The following LIPJ variants were observed in gnomAD, a reference collection of about 807,000 sequenced individuals.
The protein encoded by LIPJ is lipase family member J, also known as lipase member J.
In LIPJ, 33 loss-of-function variants were observed where a neutral mutation model predicts 39.8. That is an observed-to-expected ratio of 0.83 (90% CI 0.63 to 1.11). The LOEUF (loss-of-function observed/expected upper bound fraction) is 1.11. Ranked by LOEUF, LIPJ falls within the 50% of genes least tolerant of loss-of-function variation. The probability of loss-of-function intolerance (pLI) is 0.00; values close to 1 mark genes in which losing one functional copy is unlikely to be tolerated. For synonymous variants in LIPJ, 128 were observed against 139.2 expected, an observed-to-expected ratio of 0.92 and a Z score of 0.57; for missense variants, 422 against 427.9, an observed-to-expected ratio of 0.99 and a Z score of 0.12.
At chr10:88,599,876 T>C (rs1431383879) in intron 8 of LIPJ, among the ~76,000 whole-genome samples, 1 of 151,734 alleles carries the variant, frequency 6.6e-6, no homozygotes, top group African/African-American at 2.4e-5. Context: ...TTACAGTATT[T>C]AGTAAATTTA....
intron 3 of LIPJ, 121 bp downstream of exon 3, chr10:88,590,817 C>T (rs1590074861): frequency 1.5e-6 from 1 of 682,290 alleles, no homozygotes; most frequent in East Asian, 2.7e-5. Context: ...TAATATTTCT[C>T]ATCTGCTATT....
chr10:88,606,152 T>C (rs1447827908), intron 10 of LIPJ, among the ~76,000 whole-genome samples: 2 of 152,152 alleles, frequency 1.3e-5, no homozygotes, highest in Non-Finnish European at 2.9e-5. Flanking sequence ...GACAAAATTA[T>C]TGAAGTACTA....
intron 9 of LIPJ, 145 bp from the exon 10 acceptor site, chr10:88,605,488 A>G: frequency 1.5e-6 from 1 of 664,246 alleles, no homozygotes; most frequent in Non-Finnish European, 2.7e-6. Context: ...TCCCTATCCA[A>G]AGGAAAAGAA....
the LIPJ span, among the ~76,000 whole-genome samples, chr10:88,617,251 C>G: frequency 6.6e-6 from 1 of 151,964 alleles, no homozygotes; most frequent in Non-Finnish European, 1.5e-5. Context: ...TTACGGCAGT[C>G]GCTAGAGATT....
At chr10:88,609,358 A>G (rs1325405237), downstream of LIPJ, among the ~76,000 whole-genome samples, 1 of 152,218 alleles carries the variant, frequency 6.6e-6, no homozygotes, top group East Asian at 1.9e-4. Context: ...ATCTTTAGAG[A>G]TATCTTTTTA....
chr10:88,606,975 T>C, exon 11 of LIPJ: 1 of 1,376,480 alleles, frequency 7.3e-7, no homozygotes. Flanking sequence ...TATTTTTTTT[T>C]ACCTGTGTAT....
At chr10:88,620,729 TG>T in the LIPJ span, among the ~76,000 whole-genome samples, 13 of 152,216 alleles carry the variant, frequency 8.5e-5, no homozygotes, top group Non-Finnish European at 1.5e-4. Context: ...TTTGGATAAC[TG>T]TTGAGTAGTT....
At chr10:88,594,169 T>C in intron 5 of LIPJ, 25 bp downstream of exon 5, 2 of 1,564,474 alleles carry the variant, frequency 1.3e-6, no homozygotes, top group Non-Finnish European at 1.7e-6. Context: ...AAGTAACATT[T>C]CATTTTATAA....
intron 2 of LIPJ, among the ~76,000 whole-genome samples, chr10:88,588,014 C>A (rs2134536394): frequency 6.6e-6 from 1 of 151,910 alleles, no homozygotes; most frequent in South Asian, 2.1e-4. Context: ...GTTTATTTTA[C>A]ATGTATAAAA....
At chr10:88,590,394 C>T (rs10887837) in intron 2 of LIPJ, among the ~76,000 whole-genome samples, 191 bp from the exon 3 acceptor site, 75,482 of 151,392 alleles carry the variant, frequency 0.5, 19,317 homozygotes, top group African/African-American at 0.62. Context: ...ATTAAGCAGT[C>T]CTGAATCTGA....
the LIPJ span, among the ~76,000 whole-genome samples, chr10:88,622,325 C>T: frequency 5.5e-4 from 83 of 152,106 alleles, no homozygotes; most frequent in Non-Finnish European, 6.2e-4. Context: ...GTGAGCACTC[C>T]CTCAGCAAAT....
chr10:88,619,564 G>T, the LIPJ span, among the ~76,000 whole-genome samples: 1 of 151,562 alleles, frequency 6.6e-6, no homozygotes, highest in Non-Finnish European at 1.5e-5. Flanking sequence ...GAGAAGGAGT[G>T]GGGGTTGATG....
At chr10:88,594,749 G>A (rs1015806847) in exon 6 of LIPJ, 2 of 1,549,228 alleles carry the variant, frequency 1.3e-6, no homozygotes, top group Non-Finnish European at 1.8e-6. Context: ...AATATTTTAT[G>A]TAGGCCATTC....
chr10:88,614,197 T>G, the LIPJ span, among the ~76,000 whole-genome samples: 1 of 152,024 alleles, frequency 6.6e-6, no homozygotes, highest in Non-Finnish European at 1.5e-5. Flanking sequence ...AGTATAGTTG[T>G]GTTGTTTTAA....
the LIPJ span, among the ~76,000 whole-genome samples, chr10:88,617,764 A>G: frequency 6.6e-6 from 1 of 152,218 alleles, no homozygotes; most frequent in African/African-American, 2.4e-5. Context: ...TCCTCTAAAG[A>G]TAGTGTCAGA....
At chr10:88,615,513 A>G in the LIPJ span, among the ~76,000 whole-genome samples, 1 of 150,656 alleles carries the variant, frequency 6.6e-6, no homozygotes, top group Non-Finnish European at 1.5e-5. Context: ...AGATTGTGCC[A>G]CTGCTTTGGG....
exon 9 of LIPJ, chr10:88,602,588 G>A (rs767544758): frequency 3.7e-6 from 4 of 1,077,262 alleles, no homozygotes; most frequent in South Asian, 2.7e-5. Flanking sequence ...TCGTTTGGAT[G>A]TGTATTTTTC....
chr10:88,583,116 G>C (rs753517749), upstream of LIPJ: 1 of 1,614,114 alleles, frequency 6.2e-7, no homozygotes, highest in Non-Finnish European at 8.5e-7. Context: ...ACAAGGGACC[G>C]GACGTCTGCC....
At chr10:88,613,534 A>C in the LIPJ span, among the ~76,000 whole-genome samples, 6 of 151,816 alleles carry the variant, frequency 4.0e-5, no homozygotes, top group African/African-American at 1.5e-4. Context: ...TGAGGGTGCA[A>C]TGGAATCTCA....
Sources: gnomAD v4.1 joint callset for allele counts (sites outside exome capture counted in the v4.1 genomes callset) on GRCh38, gnomAD v4.1.1 for gene constraint, MANE v1.5 for transcripts, NCBI Gene and HGNC (gene_info 2026-07-23, HGNC 2026-07-21) for gene names.